The following RASSF5 variants were observed in gnomAD, a reference collection of about 807,000 sequenced individuals.
RASSF5 encodes the protein Ras association domain family member 5, also known as ras association domain-containing protein 5.
In RASSF5, 25 loss-of-function variants were observed where a neutral mutation model predicts 40.5. The observed-to-expected ratio is 0.62, with a 90% CI of 0.45 to 0.86. The LOEUF (loss-of-function observed/expected upper bound fraction) is 0.86. Ranked by LOEUF, RASSF5 falls within the 40% of genes least tolerant of loss-of-function variation. RASSF5 has a pLI of 0.00. For missense variants in RASSF5, 521 were observed against 572.8 expected (o/e 0.91, Z 0.92); for synonymous variants, 246 against 252.4 (o/e 0.97, Z 0.24).
intron 2 of RASSF5, chr1:206,571,420 G>C (rs879995749): frequency 6.6e-6 from 1 of 152,068 alleles, no homozygotes; most frequent in African/African-American, 2.4e-5. Context: ...CTGGGATGGG[G>C]TATTGGGATC....
chr1:206,540,171 G>A (rs534178706), intron 2 of RASSF5, among the ~76,000 whole-genome samples: 3 of 152,208 alleles, frequency 2.0e-5, no homozygotes, highest in East Asian at 3.8e-4. Flanking sequence ...CCACAACAAA[G>A]AATTATCTGA....
Position 206,507,738 on chromosome 1 carries a change from G to C in RASSF5, c.136G>C (p.Val46Leu), listed in dbSNP as rs1553393995. ...PPPDRSSRLC[V>L]PAPLSTAPGA... Reference sequence around the variant, plus strand: ...CCCCGACCGGTCCTCGCGCCTCTGTGTCCCGGCGCCCCTCTCCACTGCGCC... The same window carrying C: ...CCCCGACCGGTCCTCGCGCCTCTGTCTCCCGGCGCCCCTCTCCACTGCGCC... The change falls in exon 1 of 6, where the codon GTC becomes CTC. Residue 46 changes from valine to leucine, a missense_variant. Val to Leu is a conservative substitution (Grantham distance 32). Around this residue, in one of 2 missense-constraint regions of RASSF5, gnomAD observed 237 missense variants for 212.0 expected, o/e 1.12. Coordinates refer to ENST00000579436, the MANE Select transcript of RASSF5 (RefSeq NM_182663.4). 3 of 1,475,190 alleles carry C rather than the reference G, an allele frequency of 2.0e-6. No homozygotes were observed. 91.4% of individuals were successfully genotyped at this position (1,475,190 alleles called of 1,614,324 possible). A position where few individuals can be genotyped will look rare whatever the true frequency, so the allele number is the denominator to read the frequency against.
intron 2 of RASSF5, chr1:206,557,672 G>A (rs1668028299): frequency 1.9e-6 from 3 of 1,614,214 alleles, no homozygotes; most frequent in Non-Finnish European, 2.5e-6. Context: ...TCAGAAATGC[G>A]CAGAGCAAAC....
intron 2 of RASSF5, chr1:206,542,998 GC>G (rs1667582575): frequency 6.6e-6 from 1 of 152,184 alleles, no homozygotes; most frequent in Admixed American, 6.5e-5. Context: ...GATTGCTTAA[GC>G]CCAGGAGTTT....
chr1:206,508,322 CCACA>C (rs368124193), intron 1 of RASSF5, among the ~76,000 whole-genome samples: 3,964 of 146,552 alleles, frequency 0.027, 66 homozygotes, highest in South Asian at 0.051. Flanking sequence ...CCTTGGCCCT[CCACA>C]CACACACACA....
chr1:206,523,062 T>G (rs2103508612), intron 1 of RASSF5, among the ~76,000 whole-genome samples: 1 of 152,002 alleles, frequency 6.6e-6, no homozygotes, highest in South Asian at 2.1e-4. Context: ...CCCAGCACTT[T>G]GGGAGACTGA....
At chr1:206,581,467 T>C (rs1160591164) in intron 2 of RASSF5, among the ~76,000 whole-genome samples, 1 of 151,994 alleles carries the variant, frequency 6.6e-6, no homozygotes, top group Non-Finnish European at 1.5e-5. Flanking sequence ...GGTGTGGTGG[T>C]GCGCACCTGT....
At chr1:206,578,798 C>T (rs2103562846) in intron 2 of RASSF5, among the ~76,000 whole-genome samples, 1 of 152,230 alleles carries the variant, frequency 6.6e-6, no homozygotes, top group Non-Finnish European at 1.5e-5. Flanking sequence ...CCACGTGACT[C>T]ACTCAGAGCC....
At chr1:206,573,351 T>C (rs1668519340) in intron 2 of RASSF5, among the ~76,000 whole-genome samples, 2 of 152,194 alleles carry the variant, frequency 1.3e-5, no homozygotes, top group South Asian at 2.1e-4. Context: ...CTCAAGACCA[T>C]GTAGTGAGTA....
At chr1:206,516,143 A>G (rs1666739528) in intron 1 of RASSF5, among the ~76,000 whole-genome samples, 1 of 152,214 alleles carries the variant, frequency 6.6e-6, no homozygotes, top group Non-Finnish European at 1.5e-5. Context: ...TGCCTCCAGC[A>G]TGGAGGTCAT....
chr1:206,521,174 A>AG (rs1392698638), intron 1 of RASSF5, among the ~76,000 whole-genome samples: 4 of 151,618 alleles, frequency 2.6e-5, no homozygotes, highest in Admixed American at 6.6e-5. Flanking sequence ...AAAGGCTGCT[A>AG]GGGGGGTCTG....
chr1:206,513,940 G>A lies in RASSF5; in HGVS notation c.457+5881G>A, dbSNP rs1666684136. 6.6e-6 allele frequency among the ~76,000 whole-genome samples: 1 copy of A among 152,184 alleles called. No homozygotes were observed. ...TCAAGACTATCTTGACTCACACCTG[G>A]GGAAGTGACTTTTGAGTTTTTTCTG... On this transcript the variant is annotated intron_variant, in intron 1 of 5. Transcript: ENST00000579436. The surrounding 1 kb of genome is among the most constrained non-coding windows in gnomAD (Gnocchi z 5.0).
intron 1 of RASSF5, among the ~76,000 whole-genome samples, chr1:206,536,745 G>C (rs1267098099): frequency 5.9e-5 from 9 of 152,170 alleles, no homozygotes; most frequent in African/African-American, 1.7e-4. Context: ...CTAATCCCCA[G>C]GTATGCAATC....
chr1:206,532,867 G>T (rs782625229), intron 1 of RASSF5, among the ~76,000 whole-genome samples: 6 of 152,148 alleles, frequency 3.9e-5, no homozygotes, highest in Non-Finnish European at 5.9e-5. Context: ...GGGCCTTAAG[G>T]GTTTCTTATC....
At chr1:206,523,360 T>G (rs1430488860) in intron 1 of RASSF5, among the ~76,000 whole-genome samples, 1 of 128,170 alleles carries the variant, frequency 7.8e-6, no homozygotes, top group African/African-American at 2.9e-5. Context: ...ATTTTATATA[T>G]TATATAATAT....
chr1:206,536,468 G>T (rs1477786885), intron 1 of RASSF5, among the ~76,000 whole-genome samples: 1 of 152,036 alleles, frequency 6.6e-6, no homozygotes, highest in East Asian at 1.9e-4. Context: ...CTCCCCTATG[G>T]ACATTAGTGG....
At chr1:206,523,429 A>T (rs1352390649) in intron 1 of RASSF5, among the ~76,000 whole-genome samples, 2 of 110,470 alleles carry the variant, frequency 1.8e-5, no homozygotes, top group African/African-American at 3.4e-5. Context: ...TATATTATAT[A>T]ATATATTTTA....
chr1:206,566,525 T>A (rs1668293649), intron 2 of RASSF5, among the ~76,000 whole-genome samples: 1 of 152,172 alleles, frequency 6.6e-6, no homozygotes, highest in Non-Finnish European at 1.5e-5. Flanking sequence ...TTGCTGTGGA[T>A]GACATGCAGG....
At position 206,531,371 on chromosome 1, in the gene RASSF5, T is replaced by C. The variant is rs1667232169; in HGVS notation, c.458-6801T>C. Among the ~76,000 whole-genome samples, 1 of 152,088 alleles carries C rather than the reference T, an allele frequency of 6.6e-6. No homozygotes were observed. The highest frequency in any genetic ancestry group is 2.4e-5 in the African/African-American group (1 of 41,396). ...AGGAGATCCGGAGCAGGCGGTGAGG[T>C]TGCAGAGGGAACAACTGTGTCTATT... On this transcript the variant is annotated intron_variant, in intron 1 of 5. Transcript: ENST00000579436. This position sits in a 1 kb window ranked among gnomAD's most constrained non-coding sequence, Gnocchi z 4.7.
Sources: allele counts gnomAD v4.1 joint callset (sites outside exome capture counted in the v4.1 genomes callset), GRCh38; gene constraint gnomAD v4.1.1; regional missense constraint gnomAD v4.1.1; non-coding constraint Gnocchi (gnomAD v3.1); transcripts MANE v1.5; gene names NCBI Gene and HGNC (gene_info 2026-07-23, HGNC 2026-07-21).